Variants in ZNF138 observed in about 807,000 individuals in gnomAD.
The protein encoded by ZNF138 is zinc finger protein 138, also known as zinc finger protein 138 (clone pHZ-32).
Under a neutral mutation model 33.0 loss-of-function variants are expected in ZNF138, and 33 were observed. That is an observed-to-expected ratio of 1.00 (90% CI 0.76 to 1.34). The LOEUF (loss-of-function observed/expected upper bound fraction) is 1.34. Among genes scored for constraint, ZNF138 ranks in the 40% most tolerant of loss-of-function variants. ZNF138 has a pLI of 0.00. For missense variants in ZNF138, 360 were observed against 370.8 expected, an observed-to-expected ratio of 0.97 and a Z score of 0.24; for synonymous variants, 139 against 120.4, an observed-to-expected ratio of 1.15 and a Z score of -1.01.
At chr7:64,853,152 T>C in the ZNF138 span, 6 of 1,470,706 alleles carry the variant, frequency 4.1e-6, no homozygotes, top group Non-Finnish European at 5.7e-6. Context: ...ATGACAAGTA[T>C]CCATTCCAAT....
chr7:64,831,206 CT>C (rs1790053159), intron 3 of ZNF138: 11 of 1,291,756 alleles, frequency 8.5e-6, no homozygotes, highest in African/African-American at 1.5e-5. Context: ...TTTTCTCTCT[CT>C]TCTGTGTGGC....
At chr7:64,829,439 G>A (rs896950290) in intron 3 of ZNF138, among the ~76,000 whole-genome samples, 14 of 148,974 alleles carry the variant, frequency 9.4e-5, no homozygotes, top group Non-Finnish European at 1.8e-4. Flanking sequence ...TTTGTCATAG[G>A]TTCCCAGTGA....
intron 3 of ZNF138, among the ~76,000 whole-genome samples, chr7:64,821,040 T>TTTTG (rs1554367739): frequency 1.2e-5 from 1 of 86,574 alleles, no homozygotes; most frequent in Non-Finnish European, 2.2e-5. Flanking sequence ...TGATTGTTTT[T>TTTTG]TTTTGTTTTG....
chr7:64,804,697 C>A (rs1787432977), intron 1 of ZNF138, among the ~76,000 whole-genome samples: 1 of 152,194 alleles, frequency 6.6e-6, no homozygotes, highest in Non-Finnish European at 1.5e-5. Context: ...ACAAGAATCA[C>A]ATGAACTCAG....
chr7:64,838,230 GAC>G (rs1207499325), downstream of ZNF138, among the ~76,000 whole-genome samples: 1 of 152,232 alleles, frequency 6.6e-6, no homozygotes, highest in African/African-American at 2.4e-5. Flanking sequence ...GCCATGTGGA[GAC>G]ACAGCGGCCG....
intron 1 of ZNF138, among the ~76,000 whole-genome samples, chr7:64,798,477 A>T (rs565265520): frequency 2.0e-5 from 3 of 152,234 alleles, no homozygotes; most frequent in Non-Finnish European, 2.9e-5. Context: ...CTAGCTAGTT[A>T]TTCCAGTACC....
At position 64,833,414 on chromosome 7, in the gene ZNF138, TGAA is replaced by T. The variant is rs1790248154; in HGVS notation, c.*1216_*1218del. 1 of 159,568 alleles carries T rather than the reference TGAA, an allele frequency of 6.3e-6. No homozygotes were observed. The highest frequency in any genetic ancestry group is 6.2e-5 in the Admixed American group (1 of 16,190). 9.9% of individuals were successfully genotyped at this position (159,568 alleles called of 1,614,324 possible). A position where few individuals can be genotyped will look rare whatever the true frequency, so the allele number is the denominator to read the frequency against. On this transcript the variant is annotated 3_prime_UTR_variant, in exon 4 of 4. Transcript: ENST00000307355. ...ATACTGGTAAGAAATTATAAAAATGTGAAGAATGTGACAAAGCCTTTAAATGGT... is the reference window on the plus strand; with the variant it reads ...ATACTGGTAAGAAATTATAAAAATGTGAATGTGACAAAGCCTTTAAATGGT...
chr7:64,825,117 C>T (rs1789467397), intron 3 of ZNF138, among the ~76,000 whole-genome samples: 1 of 142,912 alleles, frequency 7.0e-6, no homozygotes, highest in South Asian at 2.2e-4. Flanking sequence ...TGTGCCAGGC[C>T]TAAAATGAGT....
At chr7:64,843,375 C>T in the ZNF138 span, among the ~76,000 whole-genome samples, 1 of 152,180 alleles carries the variant, frequency 6.6e-6, no homozygotes, top group East Asian at 1.9e-4. Flanking sequence ...TTTGAGAAAT[C>T]CTTATTTTGT....
chr7:64,854,271 C>T, the ZNF138 span, among the ~76,000 whole-genome samples: 1 of 152,172 alleles, frequency 6.6e-6, no homozygotes, highest in African/African-American at 2.4e-5. Context: ...GACAGAGTCT[C>T]ACTTCATTGC....
At chr7:64,823,664 G>A (rs530209503) in intron 3 of ZNF138, among the ~76,000 whole-genome samples, 14 of 152,296 alleles carry the variant, frequency 9.2e-5, no homozygotes, top group African/African-American at 3.4e-4. Context: ...AGGCAGCTGG[G>A]CGCAGCAGTT....
chr7:64,825,902 C>G (rs2129012090), intron 3 of ZNF138, among the ~76,000 whole-genome samples: 1 of 152,230 alleles, frequency 6.6e-6, no homozygotes, highest in South Asian at 2.1e-4. Flanking sequence ...GTGGTGTGAT[C>G]ATGGCTCACT....
chr7:64,851,969 A>C, the ZNF138 span, among the ~76,000 whole-genome samples: 4 of 152,154 alleles, frequency 2.6e-5, no homozygotes, highest in Admixed American at 1.3e-4. Flanking sequence ...GACCAATGCT[A>C]TCTCTCCAGA....
chr7:64,845,177 T>C, the ZNF138 span, among the ~76,000 whole-genome samples: 178 of 152,370 alleles, frequency 1.2e-3, 1 homozygote, highest in Middle Eastern at 3.4e-3. Context: ...AGTGAGAACA[T>C]ACAATGTTTG....
At chr7:64,843,508 GT>G in the ZNF138 span, among the ~76,000 whole-genome samples, 93 of 151,868 alleles carry the variant, frequency 6.1e-4, 1 homozygote, top group African/African-American at 2.0e-3. Context: ...AGTTGATATA[GT>G]TTTTTTTGCT....
rs1790099385 is a variant in ZNF138 at position 64,831,719 on chromosome 7, A to G, written c.477A>G (p.Ile159Met). ...TTTCAAATTCAAATAGACACAAGAT[A>G]AGACATACTGAAAATAAACATTTCA... The part of the protein sequence containing the change: ...HKFSNSNRHK[I>M]RHTENKHFRC... Residue 159 changes from isoleucine to methionine, a missense_variant, in exon 4 of 4, where the codon ATA becomes ATG. Physicochemically the swap from Ile to Met is conservative, Grantham distance 10. Coordinates refer to ENST00000307355, the MANE Select transcript of ZNF138 (RefSeq NM_001271639.2). The G allele has an allele frequency of 1.2e-6, 2 of 1,613,224 alleles. No homozygotes were observed. The highest frequency in any genetic ancestry group is 2.7e-5 in the African/African-American group (2 of 74,906).
chr7:64,850,116 G>A, the ZNF138 span, among the ~76,000 whole-genome samples: 2 of 152,292 alleles, frequency 1.3e-5, no homozygotes, highest in African/African-American at 4.8e-5. Context: ...AGAGCCCACC[G>A]GGCTTTTCCC....
the ZNF138 span, among the ~76,000 whole-genome samples, chr7:64,859,020 T>G: frequency 6.6e-6 from 1 of 152,270 alleles, no homozygotes. Context: ...CTCCACCTCC[T>G]GGGTTCAAAT....
intron 2 of ZNF138, 79 bp from the exon 3 acceptor site, chr7:64,815,497 T>C: frequency 7.9e-7 from 1 of 1,270,554 alleles, no homozygotes; most frequent in Non-Finnish European, 1.1e-6. Context: ...AGCACATTAC[T>C]AGGTTGGTAA....
Sources: gnomAD v4.1 joint callset for allele counts (sites outside exome capture counted in the v4.1 genomes callset) on GRCh38, gnomAD v4.1.1 for gene constraint, MANE v1.5 for transcripts, NCBI Gene and HGNC (gene_info 2026-07-23, HGNC 2026-07-21) for gene names.